HIVEP3: variants seen among roughly 807,000 people sequenced by gnomAD.
HIVEP3 encodes the protein transcription factor HIVEP3.
In HIVEP3, 49 loss-of-function variants were observed where a neutral mutation model predicts 152.8. That is an observed-to-expected ratio of 0.32 (90% CI 0.26 to 0.41). HIVEP3 has a LOEUF of 0.41. Among genes scored for constraint, HIVEP3 ranks in the 10% least tolerant of loss-of-function variants. HIVEP3 has a pLI of 1.00. For missense variants in HIVEP3, 2,790 were observed against 3,103.3 expected, an observed-to-expected ratio of 0.90 and a Z score of 2.40; for synonymous variants, 1,269 against 1,289.0, an observed-to-expected ratio of 0.98 and a Z score of 0.33.
At chr1:41,599,103 C>T (rs1644709591) in intron 3 of HIVEP3, among the ~76,000 whole-genome samples, 1 of 152,102 alleles carries the variant, frequency 6.6e-6, no homozygotes, top group African/African-American at 2.4e-5. Context: ...AAGTGTGAGC[C>T]ACCACACCCA....
intron 1 of HIVEP3, among the ~76,000 whole-genome samples, chr1:41,716,525 G>T (rs1233817359): frequency 6.6e-6 from 1 of 152,218 alleles, no homozygotes; most frequent in Non-Finnish European, 1.5e-5. Flanking sequence ...GAGCTGGGGG[G>T]CCCCGATGAG....
At chr1:42,012,985 T>C (rs1203721284) in intron 1 of HIVEP3, among the ~76,000 whole-genome samples, 4 of 152,208 alleles carry the variant, frequency 2.6e-5, no homozygotes, top group Non-Finnish European at 4.4e-5. Flanking sequence ...GCCTTGTGTA[T>C]TAGTTTGATA....
intron 1 of HIVEP3, among the ~76,000 whole-genome samples, chr1:41,749,559 T>C (rs955487850): frequency 6.6e-6 from 1 of 152,180 alleles, no homozygotes; most frequent in African/African-American, 2.4e-5. Flanking sequence ...AGAAATGCTA[T>C]GACAAAGGGT....
At chr1:41,999,264 A>G (rs1435120969) in intron 1 of HIVEP3, among the ~76,000 whole-genome samples, 1 of 151,912 alleles carries the variant, frequency 6.6e-6, no homozygotes, top group Non-Finnish European at 1.5e-5. Context: ...TAAACCAACT[A>G]AACAAAAAAG....
chr1:41,895,572 CTAAA>C (rs1644514472), intron 1 of HIVEP3, among the ~76,000 whole-genome samples: 1 of 152,324 alleles, frequency 6.6e-6, no homozygotes, highest in South Asian at 2.1e-4. Flanking sequence ...ACATTTCAGA[CTAAA>C]TAAATATTTA....
chr1:41,822,808 C>T (rs1254303964), intron 1 of HIVEP3, among the ~76,000 whole-genome samples: 1 of 152,192 alleles, frequency 6.6e-6, no homozygotes, highest in East Asian at 1.9e-4. Flanking sequence ...TGTTCTGGAT[C>T]TGGGAAATGG....
intron 1 of HIVEP3, among the ~76,000 whole-genome samples, chr1:41,819,411 T>C (rs1167300397): frequency 1.3e-5 from 2 of 152,138 alleles, no homozygotes; most frequent in African/African-American, 2.4e-5. Flanking sequence ...TCTCTTTATT[T>C]TCTATTTTGT....
chr1:41,696,184 TGCCCCACA>T (rs1458596993), intron 2 of HIVEP3, among the ~76,000 whole-genome samples: 1 of 152,258 alleles, frequency 6.6e-6, no homozygotes, highest in Non-Finnish European at 1.5e-5. Context: ...GCATTTCAGA[TGCCCCACA>T]GCCTGCAATG....
intron 5 of HIVEP3, among the ~76,000 whole-genome samples, chr1:41,560,262 A>C (rs535505724): frequency 2.6e-5 from 4 of 152,222 alleles, no homozygotes; most frequent in Non-Finnish European, 4.4e-5. Context: ...ACTGAGCCAG[A>C]GAGGTTAAAC....
intron 1 of HIVEP3, among the ~76,000 whole-genome samples, chr1:41,778,209 T>C (rs1438929563): frequency 6.6e-6 from 1 of 152,138 alleles, no homozygotes; most frequent in Non-Finnish European, 1.5e-5. Context: ...TTTCCTGGCG[T>C]TTGAGTGGAT....
At chr1:41,554,667 G>T (rs1470205628) in intron 5 of HIVEP3, among the ~76,000 whole-genome samples, 1 of 152,180 alleles carries the variant, frequency 6.6e-6, no homozygotes, top group Admixed American at 6.5e-5. Context: ...GTACAGATGG[G>T]GTTGTGGTGT....
chr1:41,610,162 T>C (rs190728088), intron 3 of HIVEP3, among the ~76,000 whole-genome samples: 10 of 152,298 alleles, frequency 6.6e-5, no homozygotes, highest in African/African-American at 1.9e-4. Context: ...AATCTCTCTC[T>C]CTGTATACAC....
chr1:41,685,385 G>A (rs576181057), intron 2 of HIVEP3, among the ~76,000 whole-genome samples: 17 of 152,184 alleles, frequency 1.1e-4, no homozygotes, highest in Non-Finnish European at 1.9e-4. Context: ...AGAGCAAGGC[G>A]GGGAGGCTGC....
intron 1 of HIVEP3, among the ~76,000 whole-genome samples, chr1:41,949,655 C>T (rs1645095093): frequency 6.6e-6 from 1 of 151,980 alleles, no homozygotes; most frequent in African/African-American, 2.4e-5. Context: ...CTGGATTCTC[C>T]CCTTCTTAGG....
intron 5 of HIVEP3, among the ~76,000 whole-genome samples, chr1:41,571,208 G>C (rs1644247729): frequency 6.6e-6 from 1 of 152,212 alleles, no homozygotes; most frequent in Admixed American, 6.5e-5. Context: ...TGGTCAGCCA[G>C]GTGGTTCCTA....
At chr1:41,603,949 T>C (rs941909620) in intron 3 of HIVEP3, among the ~76,000 whole-genome samples, 3 of 152,366 alleles carry the variant, frequency 2.0e-5, no homozygotes, top group African/African-American at 7.2e-5. Flanking sequence ...CAATGCTCAA[T>C]ACAATTTTGT....
At chr1:41,987,672 G>T (rs1448361005) in intron 1 of HIVEP3, among the ~76,000 whole-genome samples, 2 of 152,182 alleles carry the variant, frequency 1.3e-5, no homozygotes, top group Non-Finnish European at 2.9e-5. Flanking sequence ...TGGGGAAGTG[G>T]TGTTGGGAAA....
chr1:41,737,927 G>A (rs1319126335), intron 1 of HIVEP3, among the ~76,000 whole-genome samples: 1 of 152,238 alleles, frequency 6.6e-6, no homozygotes, highest in African/African-American at 2.4e-5. Flanking sequence ...CTACTTGCCA[G>A]GCCCTGTGCT....
At chr1:41,761,159 T>C (rs770068127) in intron 1 of HIVEP3, among the ~76,000 whole-genome samples, 2 of 152,226 alleles carry the variant, frequency 1.3e-5, no homozygotes, top group Non-Finnish European at 2.9e-5. Flanking sequence ...TTGAGCTAGG[T>C]GTATGCGCAT....
Sources: gnomAD v4.1 joint callset for allele counts (sites outside exome capture counted in the v4.1 genomes callset) on GRCh38, gnomAD v4.1.1 for gene constraint, MANE v1.5 for transcripts, NCBI Gene and HGNC (gene_info 2026-07-23, HGNC 2026-07-21) for gene names.